ADAMTS18: variants seen among roughly 807,000 people sequenced by gnomAD.
The protein encoded by ADAMTS18 is ADAM metallopeptidase with thrombospondin type 1 motif 18, also known as A disintegrin and metalloproteinase with thrombospondin motifs 18.
A neutral mutation model predicts 165.9 loss-of-function variants in ADAMTS18; 157 were observed. The observed-to-expected ratio is 0.95, with a 90% confidence interval of 0.83 to 1.08. The LOEUF is 1.08. Ranked by LOEUF, ADAMTS18 falls within the 50% of genes least tolerant of loss-of-function variation. ADAMTS18 has a pLI of 0.00. For missense variants in ADAMTS18, 2,040 were observed against 1,534.0 expected, an observed-to-expected ratio of 1.33 and a Z score of -5.51; for synonymous variants, 782 against 578.2, an observed-to-expected ratio of 1.35 and a Z score of -5.06.
chr16:77,372,701 G>A (rs548042140), intron 3 of ADAMTS18, among the ~76,000 whole-genome samples: 4 of 152,224 alleles, frequency 2.6e-5, no homozygotes, highest in South Asian at 2.1e-4. Flanking sequence ...TTCACAACCC[G>A]AGAAATCCCA....
intron 10 of ADAMTS18, among the ~76,000 whole-genome samples, chr16:77,350,086 T>A (rs1332764395): frequency 6.6e-6 from 1 of 152,190 alleles, no homozygotes; most frequent in Non-Finnish European, 1.5e-5. Flanking sequence ...ACAAACAGCA[T>A]CAGCTCACTC....
At chr16:77,380,067 C>T (rs1411693676) in intron 3 of ADAMTS18, among the ~76,000 whole-genome samples, 2 of 152,196 alleles carry the variant, frequency 1.3e-5, no homozygotes, top group Non-Finnish European at 2.9e-5. Context: ...CTCAGAAATG[C>T]TTGGCTTTCT....
chr16:77,431,227 G>T, intron 3 of ADAMTS18, 68 bp downstream of exon 3: 2 of 1,545,452 alleles, frequency 1.3e-6, no homozygotes, highest in Non-Finnish European at 1.8e-6. Flanking sequence ...TTATATTGCA[G>T]ACATCTGTTC....
intron 18 of ADAMTS18, 51 bp downstream of exon 18, chr16:77,297,238 G>T (rs2055490667): frequency 6.2e-7 from 1 of 1,609,224 alleles, no homozygotes; most frequent in East Asian, 2.2e-5. Flanking sequence ...TAACAACAAT[G>T]AAGGCATACA....
At chr16:77,380,394 A>G (rs554446283) in intron 3 of ADAMTS18, among the ~76,000 whole-genome samples, 1 of 152,328 alleles carries the variant, frequency 6.6e-6, no homozygotes, top group East Asian at 1.9e-4. Flanking sequence ...TAATGACTTC[A>G]ACAGCTCAAA....
At chr16:77,336,224 C>T (rs1417395341) in intron 11 of ADAMTS18, among the ~76,000 whole-genome samples, 2 of 152,076 alleles carry the variant, frequency 1.3e-5, no homozygotes, top group Non-Finnish European at 2.9e-5. Context: ...TATAAAGTTA[C>T]AAGGAAGCCT....
chr16:77,312,088 T>C (rs1191614655), intron 16 of ADAMTS18, among the ~76,000 whole-genome samples: 1 of 152,202 alleles, frequency 6.6e-6, no homozygotes, highest in East Asian at 1.9e-4. Context: ...ACTCAACATT[T>C]GTCCTTACAT....
chr16:77,395,013 G>C (rs571370190), intron 3 of ADAMTS18, among the ~76,000 whole-genome samples: 61 of 152,288 alleles, frequency 4.0e-4, no homozygotes, highest in African/African-American at 1.4e-3. Flanking sequence ...AGCTGCATTT[G>C]CCTGTGGCTA....
intron 10 of ADAMTS18, among the ~76,000 whole-genome samples, chr16:77,346,271 T>C (rs1326670532): frequency 7.2e-5 from 11 of 152,212 alleles, no homozygotes; most frequent in African/African-American, 2.7e-4. Context: ...ACGTTTATTG[T>C]GTTTTGTTTT....
At chr16:77,315,215 C>T (rs1473690270) in intron 16 of ADAMTS18, among the ~76,000 whole-genome samples, 1 of 152,010 alleles carries the variant, frequency 6.6e-6, no homozygotes, top group Non-Finnish European at 1.5e-5. Context: ...AAATGCGATG[C>T]TTTTGAAATC....
rs145598954 is a variant in ADAMTS18 at position 77,388,575 on chromosome 16, G to C, written c.496-20852C>G. On this transcript the variant is annotated intron_variant, in intron 3 of 22. Transcript: ENST00000282849. The stretch of plus-strand genomic sequence containing the variant: ...ACTGATTTTTGTGCCTCAGTTTATT[G>C]AACACAGAATGAGGATAAATGAAGG... Among the ~76,000 whole-genome samples, 22 of 152,260 alleles carry C rather than the reference G, an allele frequency of 1.4e-4. 1 individual carries two copies. The East Asian group carries it at 3.3e-3, about 23-fold the overall frequency.
Position 77,367,512 on chromosome 16 carries a change from G to C in ADAMTS18, c.707C>G (p.Ser236Cys). 2 of 1,614,234 alleles carry C rather than the reference G, an allele frequency of 1.2e-6. No homozygotes were observed. Among genetic ancestry groups the C allele is most frequent in the Non-Finnish European group, 1.7e-6 (2 of 1,180,040 alleles). The change falls in exon 4 of 23, where the codon TCT (serine) becomes TGT (cysteine). Residue 236 changes from serine to cysteine, a missense_variant. Ser to Cys is a moderately radical substitution (Grantham distance 112). Transcript: ENST00000282849. The part of the protein sequence containing the change: ...GYSPSHIPHA[S>C]QSRETEYHHR... ...GTGATACTCTGTCTCTCGACTCTGA[G>C]ATGCATGGGGAATGTGACTTGGGGA...
chr16:77,434,721 G>A lies in ADAMTS18; in HGVS notation c.-26C>T. ...GGTCAGGTGCGGACGCGGCGGCTGC[G>A]GGTGGCCAGACGCGGCAGGCGGAGC... On this transcript the variant is annotated 5_prime_UTR_variant, in exon 1 of 23. Transcript: ENST00000282849. 2 of 1,421,458 alleles carry A rather than the reference G, an allele frequency of 1.4e-6. No individual in the cohort carries two copies. Among genetic ancestry groups the A allele is most frequent in the Non-Finnish European group, 1.8e-6 (2 of 1,088,786 alleles). The allele number at this position is 1,421,458 out of a possible 1,614,324, so 88.1% of individuals were successfully genotyped here. A position where few individuals can be genotyped will look rare whatever the true frequency, so the allele number is the denominator to read the frequency against.
At chr16:77,284,140 A>AGAT (rs2055203142) in intron 22 of ADAMTS18, 69 bp from the exon 23 acceptor site, 28 of 893,070 alleles carry the variant, frequency 3.1e-5, no homozygotes, top group African/African-American at 5.6e-5. Flanking sequence ...TTTTTTTTTG[A>AGAT]GATGGAGTCT....
At chr16:77,309,669 T>G (rs117837016) in intron 16 of ADAMTS18, among the ~76,000 whole-genome samples, 2 of 152,222 alleles carry the variant, frequency 1.3e-5, no homozygotes, top group African/African-American at 2.4e-5. Flanking sequence ...ACACTTTTAT[T>G]TGGCATCAAA....
intron 4 of ADAMTS18, among the ~76,000 whole-genome samples, chr16:77,366,977 T>A (rs1272441791): frequency 1.3e-5 from 2 of 152,234 alleles, no homozygotes; most frequent in Admixed American, 1.3e-4. Context: ...ATCGCTGGTC[T>A]GGAAACGGCC....
At chr16:77,380,930 G>A (rs936479671) in intron 3 of ADAMTS18, among the ~76,000 whole-genome samples, 1 of 152,108 alleles carries the variant, frequency 6.6e-6, no homozygotes, top group Non-Finnish European at 1.5e-5. Context: ...CTGGAGTACA[G>A]TGACACGATA....
intron 3 of ADAMTS18, among the ~76,000 whole-genome samples, chr16:77,411,901 A>C (rs944938065): frequency 1.3e-5 from 2 of 151,478 alleles, no homozygotes; most frequent in Non-Finnish European, 2.9e-5. Context: ...GTTGGCCAGG[A>C]TGGTCTTGAA....
chr16:77,412,198 T>C (rs1366460739), intron 3 of ADAMTS18, among the ~76,000 whole-genome samples: 1 of 152,210 alleles, frequency 6.6e-6, no homozygotes, highest in Non-Finnish European at 1.5e-5. Flanking sequence ...AGCTGGGATA[T>C]GCATCTTCTG....
Sources: gnomAD v4.1 joint callset for allele counts (sites outside exome capture counted in the v4.1 genomes callset) on GRCh38, gnomAD v4.1.1 for gene constraint, MANE v1.5 for transcripts, NCBI Gene and HGNC (gene_info 2026-07-23, HGNC 2026-07-21) for gene names.